LMAN1: variants seen among roughly 807,000 people sequenced by gnomAD.
The protein encoded by LMAN1 is protein ERGIC-53.
Under a neutral mutation model 67.8 loss-of-function variants are expected in LMAN1, and 32 were observed. The observed-to-expected ratio is 0.47, with a 90% CI of 0.36 to 0.63. LMAN1 has a LOEUF of 0.63. Ranked by LOEUF, LMAN1 falls within the 30% of genes least tolerant of loss-of-function variation. The pLI, the probability that LMAN1 is intolerant of heterozygous loss-of-function variation, is 0.00. For missense variants in LMAN1, 632 were observed against 628.2 expected (o/e 1.01, Z -0.06); for synonymous variants, 235 against 219.3 (o/e 1.07, Z -0.63).
At chr18:59,335,601 G>A (rs1249635281) in intron 10 of LMAN1, among the ~76,000 whole-genome samples, 1 of 152,090 alleles carries the variant, frequency 6.6e-6, no homozygotes, top group African/African-American at 2.4e-5. Context: ...ATGAAGAAGC[G>A]ATATACACAT....
chr18:59,354,551 G>T lies in LMAN1; in HGVS notation c.507C>A (p.Gly169=). The change falls in exon 4 of 13, where the codon GGC becomes GGA. Residue 169 remains glycine, a synonymous_variant. Transcript: ENST00000251047. ...GGTCATAATGGATTTGTCCATTGTT[G>T]CCTATAATTACTATAGCAGGATTAT... is the stretch of plus-strand genomic sequence containing the variant. ...KKNNPAIVII[G]NNGQIHYDHQ... is the part of the protein sequence containing the mutation. The T allele has an allele frequency of 1.3e-6, 2 of 1,510,170 alleles. No homozygotes were observed. Among genetic ancestry groups the T allele is most frequent in the Non-Finnish European group, 1.8e-6 (2 of 1,086,748 alleles). 93.5% of individuals were successfully genotyped at this position (1,510,170 alleles called of 1,614,324 possible). A position where few individuals can be genotyped will look rare whatever the true frequency, so the allele number is the denominator to read the frequency against.
chr18:59,338,732 G>C, intron 9 of LMAN1, 28 bp downstream of exon 9: 1 of 1,612,564 alleles, frequency 6.2e-7, no homozygotes. Flanking sequence ...GGGTAAATGG[G>C]GCACATCTGC....
chr18:59,353,014 C>T (rs1603395937), intron 5 of LMAN1, 188 bp downstream of exon 5: 1 of 590,382 alleles, frequency 1.7e-6, no homozygotes, highest in East Asian at 3.3e-5. Flanking sequence ...GGAAACATAC[C>T]ATCAGGGGTT....
At position 59,347,513 on chromosome 18, in the gene LMAN1, C is replaced by T. The variant is rs771904140; in HGVS notation, c.822G>A (p.Pro274=). The T allele has an allele frequency of 3.5e-5, 57 of 1,606,464 alleles. No individual in the cohort carries two copies. Among genetic ancestry groups the T allele is most frequent in the East Asian group, 4.5e-5 (2 of 44,772 alleles). Residue 274 remains proline, a splice_region_variant and synonymous_variant, in exon 7 of 13, where the codon CCG becomes CCA. Transcript: ENST00000251047. The part of the protein sequence containing the change: ...TFQLTEPGKE[P]PTPDKEISEK... The stretch of plus-strand genomic sequence containing the variant: ...TTTTTGAAAATATGTGTAAAATTAC[C>T]GGCTCTTTTCCAGGTTCAGTCAACT...
In LMAN1 at chr18:59,355,412, C is replaced by T; in HGVS notation, c.378G>A (p.Trp126Ter). 1 of 1,613,986 alleles carries T rather than the reference C, an allele frequency of 6.2e-7. No individual in the cohort carries two copies. Among genetic ancestry groups the T allele is most frequent in the Non-Finnish European group, 8.5e-7 (1 of 1,179,906 alleles). Residue 126 changes from tryptophan to a stop codon, truncating the protein, a stop_gained, in exon 3 of 13, where the codon TGG (tryptophan) becomes TGA (stop). Transcript: ENST00000251047. LOFTEE classifies it high-confidence loss of function. ...CCTCCAAGCCTTGATTTTCTGCATA[C>T]CAAATTGCCTGAAAATATGTAATAG... ...GRIGADGLAI[W>*]YAENQGLEGP...
Position 59,354,541 on chromosome 18 carries a change from G to C in LMAN1, c.517C>G (p.Gln173Glu). The C allele has an allele frequency of 6.6e-7, 1 of 1,512,366 alleles. No homozygotes were observed. The highest frequency in any genetic ancestry group is 9.2e-7 in the Non-Finnish European group (1 of 1,088,312). The allele number at this position is 1,512,366 out of a possible 1,614,324, so 93.7% of individuals were successfully genotyped here. A position where few individuals can be genotyped will look rare whatever the true frequency, so the allele number is the denominator to read the frequency against. ...TACTTTTGATGGTCATAATGGATTT[G>C]TCCATTGTTGCCTATAATTACTATA... ...PAIVIIGNNG[Q>E]IHYDHQNDGA... is the part of the protein sequence containing the mutation. Residue 173 changes from glutamine to glutamate, a missense_variant, in exon 4 of 13, where the codon CAA (glutamine) becomes GAA (glutamate). Gln to Glu is a conservative substitution (Grantham distance 29). Coordinates refer to ENST00000251047, the MANE Select transcript of LMAN1 (RefSeq NM_005570.4).
intron 5 of LMAN1, 134 bp from the exon 6 acceptor site, chr18:59,349,370 G>C (rs1357505680): frequency 1.2e-6 from 1 of 815,522 alleles, no homozygotes; most frequent in Non-Finnish European, 2.0e-6. Context: ...TTTCCTACTT[G>C]GTGTCAATAT....
At chr18:59,357,598 G>A (rs1056972086) in intron 1 of LMAN1, among the ~76,000 whole-genome samples, 2 of 152,122 alleles carry the variant, frequency 1.3e-5, no homozygotes, top group African/African-American at 4.8e-5. Context: ...CATAATAAAT[G>A]ACTGCTGAGT....
In LMAN1 at chr18:59,359,074, C is replaced by A. The variant is rs145422657; in HGVS notation, c.171G>T (p.Leu57=). 3.1e-6 allele frequency: 5 copies of A among 1,613,978 alleles called. No homozygotes were observed. Among genetic ancestry groups the A allele is most frequent in the Non-Finnish European group, 4.2e-6 (5 of 1,180,004 alleles). The change falls in exon 1 of 13, where the codon CTG becomes CTT. Residue 57 remains leucine, a synonymous_variant. Transcript: ENST00000251047. The part of the protein sequence containing the change: ...EYKYSFKGPH[L]VQSDGTVPFW... The stretch of plus-strand genomic sequence containing the variant: ...AGGGCACGGTCCCGTCGCTCTGCAC[C>A]AGGTGCGGCCCCTTGAAGCTGTATT...
At chr18:59,340,020 G>C (rs1254815079) in intron 8 of LMAN1, among the ~76,000 whole-genome samples, 3 of 152,094 alleles carry the variant, frequency 2.0e-5, no homozygotes, top group African/African-American at 7.2e-5. Flanking sequence ...CCCTGCAATG[G>C]GCTCTTGTGA....
At chr18:59,342,364 A>C (rs566501464) in intron 8 of LMAN1, among the ~76,000 whole-genome samples, 4 of 152,234 alleles carry the variant, frequency 2.6e-5, no homozygotes, top group Non-Finnish European at 5.9e-5. Context: ...AGGACACAAA[A>C]AAATAGAAAA....
In LMAN1 at chr18:59,338,816, A is replaced by C; in HGVS notation, c.1093T>G (p.Ser365Ala). 6.2e-7 allele frequency: 1 copy of C among 1,614,094 alleles called. No homozygotes were observed. The highest frequency in any genetic ancestry group is 1.1e-5 in the South Asian group (1 of 91,072). Reference sequence around the variant, plus strand: ...CTTTTAGAGATTTCCTCTGTTAAGGAAGAGACATATCTTCTCTGTTCATCA... The same window carrying C: ...CTTTTAGAGATTTCCTCTGTTAAGGCAGAGACATATCTTCTCTGTTCATCA... Reference protein sequence around the residue: ...ILDEQRRYVSSLTEEISKRGA... With the variant: ...ILDEQRRYVSALTEEISKRGA... Residue 365 changes from serine (S) to alanine (A), a missense_variant, in exon 9 of 13, where the codon TCC becomes GCC. Ser to Ala is a moderately conservative substitution (Grantham distance 99). Transcript: ENST00000251047.
In LMAN1 at chr18:59,336,819, G is replaced by C. The variant is rs561900886; in HGVS notation, c.1220+1738C>G. On this transcript the variant is annotated intron_variant, in intron 10 of 12. Coordinates refer to ENST00000251047, the MANE Select transcript of LMAN1 (RefSeq NM_005570.4). ...GGATCATTTGAGCCCAGGAGGTTGA[G>C]GCTGCAGAGAGCTGTGATTGCACTA... Among the ~76,000 whole-genome samples the C allele has an allele frequency of 3.0e-3, 461 of 152,234 alleles. 2 individuals are homozygous for C. Among genetic ancestry groups the C allele is most frequent in the African/African-American group, 0.01 (426 of 41,534 alleles).
At position 59,355,298 on chromosome 18, in the gene LMAN1, T is replaced by C. The variant is rs374246337; in HGVS notation, c.477+15A>G. 4.4e-6 allele frequency: 7 copies of C among 1,576,532 alleles called. No homozygotes were observed. Among genetic ancestry groups the C allele is most frequent in the Non-Finnish European group, 6.1e-6 (7 of 1,148,368 alleles). ...GATGTATTAAAGTGGATAACAGTCC[T>C]GACAATAAATATACCTTTCCATCAT... On this transcript the variant is annotated intron_variant, in intron 3 of 12. Transcript: ENST00000251047.
At chr18:59,351,078 C>T (rs1194870550) in intron 5 of LMAN1, among the ~76,000 whole-genome samples, 3 of 152,190 alleles carry the variant, frequency 2.0e-5, no homozygotes, top group African/African-American at 7.2e-5. Context: ...GTGGAAACAA[C>T]TGGGACAAGC....
chr18:59,355,379 C>G lies in LMAN1; in HGVS notation c.411G>C (p.Val137=). 1 of 1,614,106 alleles carries G rather than the reference C, an allele frequency of 6.2e-7. No homozygotes were observed. Among genetic ancestry groups the G allele is most frequent in the Non-Finnish European group, 8.5e-7 (1 of 1,179,970 alleles). ...YAENQGLEGP[V]FGSADLWNGV... ...CATTCCACAGATCAGCTGATCCAAA[C>G]ACAGGGCCCTCCAAGCCTTGATTTT... Residue 137 remains valine (V), a synonymous_variant, in exon 3 of 13, where the codon GTG becomes GTC. Transcript: ENST00000251047.
intron 10 of LMAN1, among the ~76,000 whole-genome samples, chr18:59,338,325 G>A (rs1049420652): frequency 2.6e-5 from 4 of 152,034 alleles, no homozygotes; most frequent in Admixed American, 6.6e-5. Flanking sequence ...TTTAAAAGAT[G>A]CCAAAACATT....
At chr18:59,338,350 T>A (rs1400121311) in intron 10 of LMAN1, among the ~76,000 whole-genome samples, 1 of 152,166 alleles carries the variant, frequency 6.6e-6, no homozygotes, top group Non-Finnish European at 1.5e-5. Context: ...CTTTTCCAGC[T>A]CTAAACAATT....
chr18:59,358,230 A>G (rs1908706529), intron 1 of LMAN1, among the ~76,000 whole-genome samples: 1 of 152,240 alleles, frequency 6.6e-6, no homozygotes, highest in Non-Finnish European at 1.5e-5. Context: ...AAACACAGAG[A>G]GTGAATAAAA....
Sources: allele counts gnomAD v4.1 joint callset (sites outside exome capture counted in the v4.1 genomes callset), GRCh38; gene constraint gnomAD v4.1.1; transcripts MANE v1.5; gene names NCBI Gene and HGNC (gene_info 2026-07-23, HGNC 2026-07-21).